ZNF717: variants seen among roughly 807,000 people sequenced by gnomAD.
ZNF717 encodes the protein zinc finger protein 717.
ZNF717 carries 9 observed loss-of-function variants against 13.8 expected under a neutral mutation model. The ratio of observed to expected loss-of-function variants is 0.65; its 90% CI spans 0.39 to 1.14. ZNF717 has a LOEUF of 1.14. Ranked by LOEUF, ZNF717 falls within the 50% of genes most tolerant of loss-of-function variation. ZNF717 has a pLI of 0.01. For missense variants in ZNF717, 1,040 were observed against 1,080.7 expected, an observed-to-expected ratio of 0.96 and a Z score of 0.53; for synonymous variants, 327 against 364.1, an observed-to-expected ratio of 0.90 and a Z score of 1.16.
intron 1 of ZNF717, chr3:75,785,028 G>C (rs1327801722): frequency 6.6e-6 from 1 of 152,238 alleles, no homozygotes; most frequent in Non-Finnish European, 1.5e-5. Flanking sequence ...AGGAGGACTA[G>C]GCAGGTCACA....
At chr3:75,783,282 G>A in intron 2 of ZNF717, 24 bp downstream of exon 2, 2 of 1,535,130 alleles carry the variant, frequency 1.3e-6, no homozygotes, top group Non-Finnish European at 1.8e-6. Context: ...GTAAAACAAA[G>A]TGAAGAACAA....
chr3:75,730,622 G>A, intron 5 of ZNF717: 1 of 702,290 alleles, frequency 1.4e-6, no homozygotes, highest in East Asian at 2.7e-5. Flanking sequence ...ATCAAACCTG[G>A]AGATAAAAGA....
intron 2 of ZNF717, among the ~76,000 whole-genome samples, chr3:75,754,459 G>C (rs971334986): frequency 3.9e-5 from 6 of 152,004 alleles, no homozygotes; most frequent in African/African-American, 1.5e-4. Context: ...TATGCTAAGG[G>C]CTCTAATGAA....
chr3:75,723,791 G>A (rs796324401), intron 4 of ZNF717, among the ~76,000 whole-genome samples: 3,555 of 152,214 alleles, frequency 0.023, 107 homozygotes, highest in African/African-American at 0.08. Context: ...GGAAGGCACC[G>A]GTTACTTAGC....
chr3:75,771,554 C>A (rs1325549755), intron 2 of ZNF717, among the ~76,000 whole-genome samples: 1 of 152,234 alleles, frequency 6.6e-6, no homozygotes, highest in East Asian at 1.9e-4. Flanking sequence ...CTTCTAATGA[C>A]CCCCAGGAGT....
intron 6 of ZNF717, among the ~76,000 whole-genome samples, chr3:75,696,957 A>G: frequency 6.6e-6 from 1 of 152,310 alleles, no homozygotes; most frequent in African/African-American, 2.4e-5. Flanking sequence ...TTATACTAAA[A>G]AAATTTGATA....
In ZNF717 at chr3:75,760,024, T is replaced by G. The variant is rs923443879; in HGVS notation, c.58-18288A>C. Among the ~76,000 whole-genome samples, 6 of 152,156 alleles carry G rather than the reference T, an allele frequency of 3.9e-5. No homozygotes were observed. In the South Asian group the frequency reaches 8.3e-4, roughly 21 times the overall value. On this transcript the variant is annotated intron_variant, in intron 2 of 4. Transcript: ENST00000652011. ...GAAATACATACAAATATGTCTGAAA[T>G]TTTTTCTTTCTTCTTTTTTTTTGAG...
chr3:75,719,905 C>T (rs1311647120), intron 4 of ZNF717, among the ~76,000 whole-genome samples: 1 of 151,748 alleles, frequency 6.6e-6, no homozygotes, highest in Admixed American at 6.6e-5. Context: ...TTGCAGTGAG[C>T]TGAGATGGTG....
At chr3:75,759,771 GTT>G (rs1942815392) in intron 2 of ZNF717, among the ~76,000 whole-genome samples, 1 of 128,790 alleles carries the variant, frequency 7.8e-6, no homozygotes, top group African/African-American at 2.8e-5. Flanking sequence ...ATTTCACCAT[GTT>G]GGCCAGGCTG....
At chr3:75,719,627 G>C (rs1262102078) in intron 4 of ZNF717, among the ~76,000 whole-genome samples, 1 of 152,102 alleles carries the variant, frequency 6.6e-6, no homozygotes, top group African/African-American at 2.4e-5. Context: ...ATGCCAGGAA[G>C]GAAAAGTATT....
intron 2 of ZNF717, among the ~76,000 whole-genome samples, chr3:75,764,751 G>A (rs1260435101): frequency 3.3e-5 from 5 of 152,198 alleles, no homozygotes; most frequent in South Asian, 4.1e-4. Flanking sequence ...CCAACAGAAA[G>A]TAACAAGTGC....
At chr3:75,731,232 C>T (rs77861520), downstream of ZNF717, among the ~76,000 whole-genome samples, 3 of 152,098 alleles carry the variant, frequency 2.0e-5, no homozygotes, top group Admixed American at 1.3e-4. Flanking sequence ...CAAATATTAG[C>T]GAAGTGTGGT....
downstream of ZNF717, among the ~76,000 whole-genome samples, chr3:75,726,942 C>T (rs1490628825): frequency 2.0e-5 from 3 of 150,066 alleles, no homozygotes; most frequent in African/African-American, 7.4e-5. Flanking sequence ...ACATTTTAAT[C>T]AATAATGAAC....
Position 75,739,011 on chromosome 3 carries a change from A to C in ZNF717, c.612T>G (p.Thr204=). ...EHLTQHHKIQ[T]LLQTFQCNEQ... ...CATTACATTGAAAAGTCTGCAGCAG[A>C]GTTTGAATCTTGTGATGCTGAGTAA... The change falls in exon 5 of 5, where the codon ACT becomes ACG. Residue 204 remains threonine (T), a synonymous_variant. Transcript: ENST00000652011. 4 of 1,551,552 alleles carry C rather than the reference A, an allele frequency of 2.6e-6. No individual in the cohort carries two copies. The highest frequency in any genetic ancestry group is 2.6e-6 in the Non-Finnish European group (3 of 1,146,936).
chr3:75,773,102 A>G (rs1180321472), intron 2 of ZNF717, among the ~76,000 whole-genome samples: 2 of 152,166 alleles, frequency 1.3e-5, no homozygotes, highest in Non-Finnish European at 2.9e-5. Context: ...GGAGTAAATG[A>G]TAATATTGGA....
Position 75,735,881 on chromosome 3 carries a change from CACTTT to C in ZNF717, c.*992_*996del, listed in dbSNP as rs1939122033. The C allele has an allele frequency of 6.6e-6, 1 of 152,170 alleles. No individual in the cohort carries two copies. The highest frequency in any genetic ancestry group is 2.1e-4 in the South Asian group (1 of 4,828). 9.4% of individuals were successfully genotyped at this position (152,170 alleles called of 1,614,324 possible). A position where few individuals can be genotyped will look rare whatever the true frequency, so the allele number is the denominator to read the frequency against. On this transcript the variant is annotated 3_prime_UTR_variant, in exon 5 of 5. Transcript: ENST00000652011. ...TAGAGGCACATCTCACTTTGAGCTT[CACTTT>C]ATTTTGCTTGGCAACATCACCTTTT...
chr3:75,744,481 G>A, intron 2 of ZNF717, among the ~76,000 whole-genome samples: 1 of 152,248 alleles, frequency 6.6e-6, no homozygotes, highest in Non-Finnish European at 1.5e-5. Context: ...GGATTGCAGA[G>A]ACAGAGAAGT....
intron 2 of ZNF717, among the ~76,000 whole-genome samples, chr3:75,745,475 T>C (rs1275698212): frequency 6.6e-6 from 1 of 152,158 alleles, no homozygotes; most frequent in Admixed American, 6.6e-5. Flanking sequence ...CTATCATTTT[T>C]CTGGTGAATA....
At chr3:75,711,962 G>A (rs1306200512) in intron 5 of ZNF717, among the ~76,000 whole-genome samples, 10 of 152,246 alleles carry the variant, frequency 6.6e-5, no homozygotes, top group African/African-American at 2.4e-4. Flanking sequence ...CCAGAATCAT[G>A]ACTGACTACA....
Sources: allele counts gnomAD v4.1 joint callset (sites outside exome capture counted in the v4.1 genomes callset), GRCh38; gene constraint gnomAD v4.1.1; transcripts MANE v1.5; gene names NCBI Gene and HGNC (gene_info 2026-07-23, HGNC 2026-07-21).